Variants in MYLK4 observed in about 807,000 individuals in gnomAD.
The protein encoded by MYLK4 is myosin light chain kinase family member 4, also known as caMLCK like.
MYLK4 carries 46 observed loss-of-function variants against 48.1 expected under a neutral mutation model. The observed-to-expected ratio is 0.96, with a 90% CI of 0.75 to 1.22. MYLK4 has a LOEUF of 1.22. Among genes scored for constraint, MYLK4 ranks in the 50% most tolerant of loss-of-function variants. MYLK4 has a pLI of 0.00. For synonymous variants in MYLK4, 170 were observed against 180.8 expected (o/e 0.94, Z 0.48); for missense variants, 451 against 486.1 (o/e 0.93, Z 0.68).
At chr6:2,668,693 C>CT (rs1482965910) in intron 12 of MYLK4, among the ~76,000 whole-genome samples, 2 of 152,082 alleles carry the variant, frequency 1.3e-5, no homozygotes, top group Admixed American at 6.6e-5. Flanking sequence ...GAAGAATAAT[C>CT]TTTTTTTTCC....
At chr6:2,718,206 AAG>A (rs1762941576) in intron 2 of MYLK4, among the ~76,000 whole-genome samples, 2 of 151,406 alleles carry the variant, frequency 1.3e-5, no homozygotes, top group South Asian at 4.2e-4. Context: ...AAAAAAGAAA[AAG>A]AGAAAGAAAA....
chr6:2,743,684 G>A (rs1006660746), intron 2 of MYLK4, among the ~76,000 whole-genome samples: 5 of 152,144 alleles, frequency 3.3e-5, no homozygotes, highest in Non-Finnish European at 7.4e-5. Context: ...AATATGCACA[G>A]GGAATCCCTG....
intron 2 of MYLK4, among the ~76,000 whole-genome samples, chr6:2,730,374 G>A (rs1338392292): frequency 6.6e-6 from 1 of 152,232 alleles, no homozygotes; most frequent in Non-Finnish European, 1.5e-5. Context: ...GAAGGATGCA[G>A]AAACAGGGGC....
intron 2 of MYLK4, among the ~76,000 whole-genome samples, chr6:2,708,225 A>C (rs1252801933): frequency 6.6e-6 from 1 of 152,240 alleles, no homozygotes; most frequent in Non-Finnish European, 1.5e-5. Context: ...ATCTACAAAC[A>C]TATTCATACT....
chr6:2,766,299 C>A, the MYLK4 span: 2 of 1,607,476 alleles, frequency 1.2e-6, no homozygotes, highest in East Asian at 4.5e-5. Flanking sequence ...CAGGGCAAGC[C>A]GCTGGCCGAC....
Position 2,684,124 on chromosome 6 carries a change from C to T in MYLK4, c.546-962G>A, listed in dbSNP as rs113619898. On this transcript the variant is annotated intron_variant, in intron 6 of 12. Transcript: ENST00000274643. ...AACAATTATAACAACACGCCAGCTG[C>T]ACTACTCTTGTGTCTTGGGGCCATT... 4.1e-3 allele frequency among the ~76,000 whole-genome samples: 632 copies of T among 152,298 alleles called. 6 individuals carry two copies. Among genetic ancestry groups the T allele is most frequent in the African/African-American group, 0.013 (550 of 41,566 alleles).
At chr6:2,743,121 AG>A (rs1763955359) in intron 2 of MYLK4, among the ~76,000 whole-genome samples, 1 of 152,292 alleles carries the variant, frequency 6.6e-6, no homozygotes, top group African/African-American at 2.4e-5. Context: ...GAGTCAACTA[AG>A]GGGAAAAAAC....
At position 2,742,677 on chromosome 6, in the gene MYLK4, G is replaced by A. The variant is rs1407548810; in HGVS notation, c.159+6459C>T. 1.1e-4 allele frequency among the ~76,000 whole-genome samples: 16 copies of A among 142,628 alleles called. No homozygotes were observed. The South Asian group carries it at 2.1e-3, about 19-fold the overall frequency. 93.6% of individuals were successfully genotyped at this position (142,628 alleles called of 152,430 possible). ...GATGGGAATTGAACAATGAGAACAC[G>A]TGGACACAGGAAGGGGAACATCACA... On this transcript the variant is annotated intron_variant, in intron 2 of 12. Transcript: ENST00000274643.
At chr6:2,749,875 T>G (rs955582017) in intron 1 of MYLK4, among the ~76,000 whole-genome samples, 1 of 152,198 alleles carries the variant, frequency 6.6e-6, no homozygotes, top group Non-Finnish European at 1.5e-5. Flanking sequence ...TGCCTTAAAA[T>G]GTGTGGTGTT....
chr6:2,688,288 A>G (rs1295581765), intron 4 of MYLK4, among the ~76,000 whole-genome samples: 4 of 152,200 alleles, frequency 2.6e-5, no homozygotes, highest in African/African-American at 9.6e-5. Context: ...CGAACTCCTG[A>G]CCTCAAGTGA....
chr6:2,709,255 T>C (rs1338867247), intron 2 of MYLK4, among the ~76,000 whole-genome samples: 1 of 152,258 alleles, frequency 6.6e-6, no homozygotes, highest in South Asian at 2.1e-4. Flanking sequence ...CATCTGGTCA[T>C]GCTGTAAGGA....
chr6:2,706,311 G>A (rs1052658638), intron 2 of MYLK4, among the ~76,000 whole-genome samples: 3 of 151,670 alleles, frequency 2.0e-5, no homozygotes, highest in Admixed American at 6.6e-5. Flanking sequence ...GTATCAGGTC[G>A]CTATAGTGAG....
chr6:2,731,052 T>A (rs12197563), intron 2 of MYLK4, among the ~76,000 whole-genome samples: 32,647 of 151,704 alleles, frequency 0.22, 3,609 homozygotes, highest in Middle Eastern at 0.27. Context: ...ATAGCCTTTT[T>A]AAAAAAAAGA....
At chr6:2,762,758 G>C in the MYLK4 span, among the ~76,000 whole-genome samples, 1 of 152,150 alleles carries the variant, frequency 6.6e-6, no homozygotes, top group African/African-American at 2.4e-5. Context: ...CTTTCTGGTA[G>C]CTTCCTGATC....
chr6:2,731,679 G>C lies in MYLK4; in HGVS notation c.159+17457C>G, dbSNP rs377023601. On this transcript the variant is annotated intron_variant, in intron 2 of 12. Transcript: ENST00000274643. Reference sequence around the variant, plus strand: ...TCTAAGGTTGGTGGGGGAGGGGACTGTTTCTTTCATTAATCATTGTATTCA... The same window carrying C: ...TCTAAGGTTGGTGGGGGAGGGGACTCTTTCTTTCATTAATCATTGTATTCA... 2.6e-5 allele frequency among the ~76,000 whole-genome samples: 4 copies of C among 152,268 alleles called. No individual in the cohort carries two copies. The South Asian group carries it at 8.3e-4, about 32-fold the overall frequency.
chr6:2,742,199 AT>A (rs1208441830), intron 2 of MYLK4, among the ~76,000 whole-genome samples: 2 of 152,180 alleles, frequency 1.3e-5, no homozygotes, highest in Admixed American at 6.5e-5. Context: ...TATGAACTTG[AT>A]GCTCCAGAAA....
At chr6:2,723,313 G>A (rs757250105) in intron 2 of MYLK4, among the ~76,000 whole-genome samples, 1 of 152,110 alleles carries the variant, frequency 6.6e-6, no homozygotes, top group Non-Finnish European at 1.5e-5. Context: ...AAAAGAAAAA[G>A]TTATGTGAGT....
chr6:2,769,018 A>G, the MYLK4 span: 1 of 786,446 alleles, frequency 1.3e-6, no homozygotes. Flanking sequence ...CATCTCCTTC[A>G]AGCCTATTTC....
chr6:2,742,713 T>C (rs1376667434), intron 2 of MYLK4, among the ~76,000 whole-genome samples: 2 of 112,698 alleles, frequency 1.8e-5, no homozygotes, highest in African/African-American at 7.0e-5. Flanking sequence ...CTCTGGGGAC[T>C]GTTGTGGGGT....
Sources: gnomAD v4.1 joint callset for allele counts (sites outside exome capture counted in the v4.1 genomes callset) on GRCh38, gnomAD v4.1.1 for gene constraint, MANE v1.5 for transcripts, NCBI Gene and HGNC (gene_info 2026-07-23, HGNC 2026-07-21) for gene names.